The following GPLD1 variants were observed in gnomAD, a reference collection of about 807,000 sequenced individuals.
The protein encoded by GPLD1 is phosphatidylinositol-glycan-specific phospholipase D.
Under a neutral mutation model 112.6 loss-of-function variants are expected in GPLD1, and 84 were observed. The ratio of observed to expected loss-of-function variants is 0.75; its 90% CI spans 0.63 to 0.89. GPLD1 has a LOEUF of 0.89. Among genes scored for constraint, GPLD1 ranks in the 40% least tolerant of loss-of-function variants. The pLI, the probability that GPLD1 is intolerant of heterozygous loss-of-function variation, is 0.00. For missense variants in GPLD1, 1,044 were observed against 1,051.5 expected (o/e 0.99, Z 0.10); for synonymous variants, 386 against 403.8 (o/e 0.96, Z 0.53).
chr6:24,461,445 A>G (rs1207159874), intron 11 of GPLD1, among the ~76,000 whole-genome samples: 1 of 152,194 alleles, frequency 6.6e-6, no homozygotes, highest in South Asian at 2.1e-4. Context: ...CATTCCTCTC[A>G]GTACCTTTAT....
rs543004554 is a variant in GPLD1, at chr6:24,452,400, C to T, written c.1335+1615G>A. ...TGTGACCTTACACACTGACCAGTCA[C>T]CTTATTTGTACATGTTGGATTCAGA... On this transcript the variant is annotated intron_variant, in intron 14 of 24. Transcript: ENST00000230036. 3.3e-4 allele frequency among the ~76,000 whole-genome samples: 50 copies of T among 152,306 alleles called. No individual in the cohort carries two copies. The South Asian group carries it at 7.9e-3, about 24-fold the overall frequency.
intron 14 of GPLD1, among the ~76,000 whole-genome samples, chr6:24,450,979 A>C (rs1227634620): frequency 1.3e-5 from 2 of 152,256 alleles, no homozygotes; most frequent in African/African-American, 2.4e-5. Context: ...TCTCAAAACA[A>C]ACACACAAAC....
At position 24,445,715 on chromosome 6, in the gene GPLD1, G is replaced by A; in HGVS notation, c.1926+11C>T. The A allele has an allele frequency of 6.2e-7, 1 of 1,606,304 alleles. No homozygotes were observed. Among genetic ancestry groups the A allele is most frequent in the South Asian group, 1.1e-5 (1 of 90,906 alleles). ...GTGTCCACTCTCCTGTGTGGGGAGG[G>A]CTTGTCATACCTTGTCTCCAGAAAT... On this transcript the variant is annotated intron_variant, in intron 19 of 24. Transcript: ENST00000230036.
At chr6:24,491,924 A>G (rs139317791), upstream of GPLD1, among the ~76,000 whole-genome samples, 20 of 152,360 alleles carry the variant, frequency 1.3e-4, no homozygotes, top group East Asian at 3.7e-3. Flanking sequence ...GTAACAATAA[A>G]AACATCAAAG....
At chr6:24,465,895 T>C (rs1763589578) in intron 10 of GPLD1, among the ~76,000 whole-genome samples, 1 of 152,236 alleles carries the variant, frequency 6.6e-6, no homozygotes, top group Non-Finnish European at 1.5e-5. Flanking sequence ...CTCTATTTGC[T>C]TCTGTTTTTT....
At chr6:24,459,391 C>A (rs1052724905) in intron 12 of GPLD1, among the ~76,000 whole-genome samples, 10 of 152,164 alleles carry the variant, frequency 6.6e-5, no homozygotes, top group Non-Finnish European at 5.9e-5. Flanking sequence ...ATAGCTGGGA[C>A]TACAAGTGCA....
In GPLD1 at chr6:24,425,970, T is replaced by C. The variant is rs1446838215; in HGVS notation, c.*3062A>G. 1 of 152,214 alleles carries C rather than the reference T, an allele frequency of 6.6e-6. No individual in the cohort carries two copies. Among genetic ancestry groups the C allele is most frequent in the East Asian group, 1.9e-4 (1 of 5,202 alleles). The allele number at this position is 152,214 out of a possible 1,614,324, so 9.4% of individuals were successfully genotyped here. On this transcript the variant is annotated 3_prime_UTR_variant, in exon 25 of 25. Transcript: ENST00000230036. ...AGTAATACCTACAGAGGTGAGCTAA[T>C]GGATGGTACATGGAGTAGGGACTGC...
chr6:24,490,461 G>A (rs943722944), upstream of GPLD1, among the ~76,000 whole-genome samples: 2 of 152,150 alleles, frequency 1.3e-5, no homozygotes, highest in Non-Finnish European at 2.9e-5. Context: ...TAGAAAGTGG[G>A]ATGATTTGGC....
chr6:24,437,108 C>T lies in GPLD1; in HGVS notation c.2197+5G>A. The stretch of plus-strand genomic sequence containing the variant: ...TCTTGTCAAAGGGTCCTGTTCCTTT[C>T]TTACCTAAGCCATCATCATCCAGGT... On this transcript the variant is annotated splice_donor_5th_base_variant and intron_variant, in intron 21 of 24. Transcript: ENST00000230036. The T allele has an allele frequency of 3.7e-6, 6 of 1,613,692 alleles. No individual in the cohort carries two copies. Among genetic ancestry groups the T allele is most frequent in the Non-Finnish European group, 5.1e-6 (6 of 1,179,584 alleles).
rs764691491 is a variant in GPLD1, at chr6:24,448,215, A to G, written c.1447-7T>C. 2 of 1,591,370 alleles carry G rather than the reference A, an allele frequency of 1.3e-6. No individual in the cohort carries two copies. The highest frequency in any genetic ancestry group is 4.5e-5 in the East Asian group (2 of 44,624). On this transcript the variant is annotated splice_polypyrimidine_tract_variant and splice_region_variant and intron_variant, in intron 15 of 24. Transcript: ENST00000230036. ...AGTAGACATACACGGCACCCTAGAT[A>G]AGGACAAACAGCAGATAGACATGAG...
chr6:24,458,830 G>A (rs1192407802), intron 12 of GPLD1, among the ~76,000 whole-genome samples: 2 of 151,810 alleles, frequency 1.3e-5, no homozygotes, highest in African/African-American at 2.4e-5. Context: ...GTGAGCTGAG[G>A]TGGTACCACT....
intron 18 of GPLD1, 90 bp from the exon 19 acceptor site, chr6:24,445,921 C>A: frequency 1.1e-6 from 1 of 884,530 alleles, no homozygotes; most frequent in East Asian, 2.4e-5. Flanking sequence ...ATGCACCTCC[C>A]CCCATCCAGG....
At chr6:24,462,022 T>C (rs2793440) in intron 11 of GPLD1, among the ~76,000 whole-genome samples, 64,100 of 152,082 alleles carry the variant, frequency 0.42, 13,853 homozygotes, top group Middle Eastern at 0.5. Context: ...GCCCTTAACA[T>C]TGAGGGCTTC....
At chr6:24,467,364 T>C (rs1032906520) in intron 7 of GPLD1, 90 bp from the exon 8 acceptor site, 1 of 761,106 alleles carries the variant, frequency 1.3e-6, no homozygotes, top group African/African-American at 1.7e-5. Flanking sequence ...TATTCCGTGA[T>C]TATTTTGTGC....
intron 5 of GPLD1, among the ~76,000 whole-genome samples, chr6:24,474,144 A>C (rs540818452): frequency 3.4e-4 from 47 of 139,494 alleles, no homozygotes; most frequent in Middle Eastern, 3.5e-3. Context: ...AACAAACAAA[A>C]AAACAACAAC....
At chr6:24,442,444 T>C (rs1762777298) in intron 20 of GPLD1, among the ~76,000 whole-genome samples, 1 of 104,450 alleles carries the variant, frequency 9.6e-6, no homozygotes. Flanking sequence ...TTTTTTTTTT[T>C]TTTTTTTTTT....
At position 24,448,189 on chromosome 6, in the gene GPLD1, A is replaced by T. The variant is rs776739194; in HGVS notation, c.1466T>A (p.Phe489Tyr). The part of the protein sequence containing the change: ...LTYKGAVYVY[F>Y]GSKQGGMSSS... ...AGACATTCCTCCTTGTTTGGAACCA[A>T]AGTAGACATACACGGCACCCTAGAT... is the stretch of plus-strand genomic sequence containing the variant. The change falls in exon 16 of 25, where the codon TTT becomes TAT. Residue 489 changes from phenylalanine to tyrosine, a missense_variant. Transcript: ENST00000230036. 1 of 1,607,920 alleles carries T rather than the reference A, an allele frequency of 6.2e-7. No homozygotes were observed. Among genetic ancestry groups the T allele is most frequent in the Non-Finnish European group, 8.5e-7 (1 of 1,177,718 alleles).
At chr6:24,443,697 G>A (rs1762823280) in intron 20 of GPLD1, among the ~76,000 whole-genome samples, 1 of 151,902 alleles carries the variant, frequency 6.6e-6, no homozygotes, top group Non-Finnish European at 1.5e-5. Flanking sequence ...TTGAGACTGA[G>A]TCTCACTCTG....
At chr6:24,436,809 G>T in intron 21 of GPLD1, 73 bp from the exon 22 acceptor site, 1 of 1,433,730 alleles carries the variant, frequency 7.0e-7, no homozygotes, top group South Asian at 1.2e-5. Context: ...TCCGCTACTG[G>T]ATCCTAACCC....
Sources: allele counts gnomAD v4.1 joint callset (sites outside exome capture counted in the v4.1 genomes callset), GRCh38; gene constraint gnomAD v4.1.1; transcripts MANE v1.5; gene names NCBI Gene and HGNC (gene_info 2026-07-23, HGNC 2026-07-21).